The following COL20A1 variants were observed in gnomAD, a reference collection of about 807,000 sequenced individuals.
COL20A1 encodes collagen type XX alpha 1 chain.
In COL20A1, 164 loss-of-function variants were observed where a neutral mutation model predicts 152.9. That is an observed-to-expected ratio of 1.07 (90% CI 0.94 to 1.22). COL20A1 has a LOEUF of 1.22. Among genes scored for constraint, COL20A1 ranks in the 50% most tolerant of loss-of-function variants. The probability of loss-of-function intolerance (pLI) is 0.00; values close to 1 mark genes in which losing one functional copy is unlikely to be tolerated. For missense variants in COL20A1, 1,873 were observed against 1,744.8 expected, an observed-to-expected ratio of 1.07 and a Z score of -1.31; for synonymous variants, 864 against 756.0, an observed-to-expected ratio of 1.14 and a Z score of -2.34.
rs375175466 is a variant in COL20A1 at position 63,327,947 on chromosome 20, A to C, written c.3529-5A>C. On this transcript the variant is annotated splice_region_variant and splice_polypyrimidine_tract_variant and intron_variant, in intron 31 of 35. Coordinates refer to ENST00000358894, the MANE Select transcript of COL20A1 (RefSeq NM_020882.4). The stretch of plus-strand genomic sequence containing the variant: ...TGACTTCTTTTCTCTTCCCCTCCTC[A>C]TCAGGGACTGCCAGGGCCCAAAGGG... The C allele has an allele frequency of 6.3e-7, 1 of 1,597,470 alleles. No individual in the cohort carries two copies. The highest frequency in any genetic ancestry group is 8.5e-7 in the Non-Finnish European group (1 of 1,171,482).
At position 63,309,469 on chromosome 20, in the gene COL20A1, C is replaced by A; in HGVS notation, c.1077C>A (p.Leu359=). The change falls in exon 9 of 36, where the codon CTC becomes CTA. Residue 359 remains leucine (L), a synonymous_variant. Coordinates refer to ENST00000358894, the MANE Select transcript of COL20A1 (RefSeq NM_020882.4). The part of the protein sequence containing the change: ...GLLSRLICQR[L]QGGSPRQGPA... ...TCAGCCGTCTCATCTGCCAGAGGCT[C>A]CAGGGTGGGAGCCCGCGGCAGGGCC... The A allele has an allele frequency of 6.5e-7, 1 of 1,534,416 alleles. No homozygotes were observed. Among genetic ancestry groups the A allele is most frequent in the Non-Finnish European group, 8.8e-7 (1 of 1,137,202 alleles).
In COL20A1 at chr20:63,325,495, G is replaced by A. The variant is rs1254780465; in HGVS notation, c.3348+1G>A. 6.2e-7 allele frequency: 1 copy of A among 1,612,224 alleles called. No homozygotes were observed. Among genetic ancestry groups the A allele is most frequent in the Admixed American group, 1.7e-5 (1 of 59,938 alleles). ...AGACCATGGGCTTCCAGGCTTGCAG[G>A]TAGTGTGGCTGGGGCCAGGGGGCCA... On this transcript the variant is annotated splice_donor_variant, in intron 28 of 35. Transcript: ENST00000358894. LOFTEE classifies it high-confidence loss of function.
intron 34 of COL20A1, 26 bp from the exon 35 acceptor site, chr20:63,329,559 C>T (rs761495774): frequency 2.6e-5 from 41 of 1,595,784 alleles, no homozygotes; most frequent in Non-Finnish European, 3.4e-5. Flanking sequence ...TTGCTCCGTC[C>T]TCACATGCCC....
chr20:63,329,838 T>C (rs764516126), intron 35 of COL20A1, among the ~76,000 whole-genome samples, 177 bp downstream of exon 35: 3 of 151,978 alleles, frequency 2.0e-5, no homozygotes, highest in Non-Finnish European at 4.4e-5. Context: ...ATGGACCCCG[T>C]AGGGGCAACA....
At position 63,319,597 on chromosome 20, in the gene COL20A1, G is replaced by A; in HGVS notation, c.2916+1G>A. On this transcript the variant is annotated splice_donor_variant, in intron 23 of 35. Coordinates refer to ENST00000358894, the MANE Select transcript of COL20A1 (RefSeq NM_020882.4). LOFTEE classifies it high-confidence loss of function. The surrounding 1 kb of genome is among the most constrained non-coding windows in gnomAD (Gnocchi z 4.4). ...GATTTTCTTCGGGAGCTTCCACAAG[G>A]TCCTGGTGCAGCTCGCGCCCCTCTC... 6.4e-7 allele frequency: 1 copy of A among 1,567,754 alleles called. No individual in the cohort carries two copies. The highest frequency in any genetic ancestry group is 8.7e-7 in the Non-Finnish European group (1 of 1,155,840).
At chr20:63,328,562 T>A in intron 34 of COL20A1, 64 bp downstream of exon 34, 1 of 1,454,034 alleles carries the variant, frequency 6.9e-7, no homozygotes, top group Non-Finnish European at 9.3e-7. Flanking sequence ...TGTCCCCTGG[T>A]CCTGGGGCTG....
At chr20:63,317,396 G>A (rs766929809) in intron 21 of COL20A1, among the ~76,000 whole-genome samples, 2 of 151,102 alleles carry the variant, frequency 1.3e-5, no homozygotes, top group East Asian at 1.9e-4. Context: ...CTCAGGAGAC[G>A]GAGGCTGCAG....
At chr20:63,329,341 A>C in intron 34 of COL20A1, 1 of 563,770 alleles carries the variant, frequency 1.8e-6, no homozygotes, top group South Asian at 2.2e-5. Context: ...GCACTATCAC[A>C]GGGCCCCCAC....
rs373710198 is a variant in COL20A1 at position 63,319,091 on chromosome 20, C to T, written c.2697C>T (p.His899=). 1.2e-5 allele frequency: 20 copies of T among 1,612,524 alleles called. No individual in the cohort carries two copies. In the African/African-American group the frequency reaches 1.9e-4, roughly 15 times the overall value. Residue 899 remains histidine (H), a synonymous_variant, in exon 22 of 36, where the codon CAC becomes CAT. Transcript: ENST00000358894. This position sits in a 1 kb window ranked among gnomAD's most constrained non-coding sequence, Gnocchi z 4.4. ...DVYPAPLPPE[H]TIVFLVRLLP... Reference sequence around the variant, plus strand: ...ACCCAGCCCCCCTACCTCCAGAGCACACCATCGTCTTCCTTGTGCGCCTAC... The same window carrying T: ...ACCCAGCCCCCCTACCTCCAGAGCATACCATCGTCTTCCTTGTGCGCCTAC...
chr20:63,317,706 C>G lies in COL20A1; in HGVS notation c.2663+1015C>G, dbSNP rs542011327. ...TCGATGACTGTTCCCCGGCTTCCCT[C>G]ACCATCCTCTCCCTCCCCCCAGTCT... On this transcript the variant is annotated intron_variant, in intron 21 of 35. Transcript: ENST00000358894. Among the ~76,000 whole-genome samples the G allele has an allele frequency of 1.8e-4, 28 of 152,162 alleles. 1 individual carries two copies. Among genetic ancestry groups the G allele is most frequent in the Admixed American group, 1.0e-3 (16 of 15,286 alleles).
chr20:63,330,330 G>A (rs894902220), intron 35 of COL20A1, among the ~76,000 whole-genome samples: 1 of 152,150 alleles, frequency 6.6e-6, no homozygotes, highest in African/African-American at 2.4e-5. Flanking sequence ...GGGCCCATGA[G>A]GGGCCGGCAC....
chr20:63,308,722 C>T lies in COL20A1; in HGVS notation c.940+16C>T, dbSNP rs1477745199. On this transcript the variant is annotated intron_variant, in intron 8 of 35. Coordinates refer to ENST00000358894, the MANE Select transcript of COL20A1 (RefSeq NM_020882.4). ...TTCGCTGTGGGTGAGCACCATGCGG[C>T]TCCCCCGGCCCTGGAGTCTCACCGC... 3 of 1,570,422 alleles carry T rather than the reference C, an allele frequency of 1.9e-6. No homozygotes were observed. The highest frequency in any genetic ancestry group is 1.8e-5 in the Admixed American group (1 of 55,250).
intron 11 of COL20A1, 49 bp downstream of exon 11, chr20:63,310,559 C>T: frequency 6.5e-7 from 1 of 1,528,942 alleles, no homozygotes; most frequent in Non-Finnish European, 8.8e-7. Context: ...AGGCCCCACT[C>T]ACGGCTGTCC....
chr20:63,306,672 C>T lies in COL20A1; in HGVS notation c.496+633C>T, dbSNP rs530142213. Among the ~76,000 whole-genome samples the T allele has an allele frequency of 6.6e-6, 1 of 152,204 alleles. No homozygotes were observed. The highest frequency in any genetic ancestry group is 6.5e-5 in the Admixed American group (1 of 15,286). ...GGGGTGGGCACAGACGGGGGCAGTG[C>T]ACTGTGTCTGCCCATAAGGCCCCCG... On this transcript the variant is annotated intron_variant, in intron 5 of 35. Coordinates refer to ENST00000358894, the MANE Select transcript of COL20A1 (RefSeq NM_020882.4). The surrounding 1 kb of genome is among the most constrained non-coding windows in gnomAD (Gnocchi z 6.9).
intron 3 of COL20A1, among the ~76,000 whole-genome samples, chr20:63,304,530 T>C (rs1471997572): frequency 8.2e-6 from 1 of 121,396 alleles, no homozygotes; most frequent in Non-Finnish European, 1.8e-5. Flanking sequence ...CCTCCCTCCC[T>C]TCCTCCCTCC....
In COL20A1 at chr20:63,320,037, A is replaced by G. The variant is rs1197207308; in HGVS notation, c.2917-2A>G. Reference sequence around the variant, plus strand: ...TGGAGAACCTCCCGTGCCGTCTCACAGGTGCACGTGGCTGTGGGCCGCTCC... The same window carrying G: ...TGGAGAACCTCCCGTGCCGTCTCACGGGTGCACGTGGCTGTGGGCCGCTCC... On this transcript the variant is annotated splice_acceptor_variant, in intron 23 of 35. Coordinates refer to ENST00000358894, the MANE Select transcript of COL20A1 (RefSeq NM_020882.4). LOFTEE classifies it high-confidence loss of function. 1.9e-5 allele frequency: 30 copies of G among 1,552,700 alleles called. No homozygotes were observed. Among genetic ancestry groups the G allele is most frequent in the Non-Finnish European group, 2.6e-5 (30 of 1,148,956 alleles).
rs1240480112 is a variant in COL20A1 at position 63,319,802 on chromosome 20, C to T, written c.2916+206C>T. 6.6e-6 allele frequency among the ~76,000 whole-genome samples: 1 copy of T among 152,146 alleles called. No individual in the cohort carries two copies. Among genetic ancestry groups the T allele is most frequent in the Non-Finnish European group, 1.5e-5 (1 of 68,002 alleles). ...AGCCTCCCAGCCCATCTCTTTGGGA[C>T]CCACAGACCCCGGGAGGCTCCTGCA... On this transcript the variant is annotated intron_variant, in intron 23 of 35. Transcript: ENST00000358894. The surrounding 1 kb of genome is among the most constrained non-coding windows in gnomAD (Gnocchi z 4.4).
At chr20:63,321,312 G>GC (rs2068159736) in intron 26 of COL20A1, among the ~76,000 whole-genome samples, 1 of 152,128 alleles carries the variant, frequency 6.6e-6, no homozygotes, top group South Asian at 2.1e-4. Context: ...CCCAGGCTGG[G>GC]CCTCCCCTGC....
rs1397080270 is a variant in COL20A1 at position 63,309,476 on chromosome 20, G to A, written c.1084G>A (p.Gly362Arg). ...TCTCATCTGCCAGAGGCTCCAGGGTGGGAGCCCGCGGCAGGGCCCAGGTGA... is the reference window on the plus strand; with the variant it reads ...TCTCATCTGCCAGAGGCTCCAGGGTAGGAGCCCGCGGCAGGGCCCAGGTGA... ...SRLICQRLQG[G>R]SPRQGPAAAP... The change falls in exon 9 of 36, where the codon GGG becomes AGG. Residue 362 changes from glycine to arginine, a missense_variant. Coordinates refer to ENST00000358894, the MANE Select transcript of COL20A1 (RefSeq NM_020882.4). 4.6e-6 allele frequency: 7 copies of A among 1,527,628 alleles called. No individual in the cohort carries two copies. In the East Asian group the frequency reaches 1.2e-4, roughly 27 times the overall value. The allele number at this position is 1,527,628 out of a possible 1,614,324, so 94.6% of individuals were successfully genotyped here.
Sources: gnomAD v4.1 joint callset for allele counts (sites outside exome capture counted in the v4.1 genomes callset) on GRCh38, gnomAD v4.1.1 for gene constraint, Gnocchi (gnomAD v3.1) non-coding constraint, MANE v1.5 for transcripts, NCBI Gene and HGNC (gene_info 2026-07-23, HGNC 2026-07-21) for gene names.